The following PTPRO variants were observed in gnomAD, a reference collection of about 807,000 sequenced individuals.
PTPRO encodes protein tyrosine phosphatase receptor type O.
PTPRO carries 62 observed loss-of-function variants against 145.2 expected under a neutral mutation model. That is an observed-to-expected ratio of 0.43 (90% confidence interval 0.35 to 0.53). PTPRO has a LOEUF of 0.53. PTPRO is among the 20% of genes least tolerant of loss of function. The probability of loss-of-function intolerance (pLI) is 0.01; values close to 1 mark genes in which losing one functional copy is unlikely to be tolerated. For synonymous variants in PTPRO, 565 were observed against 514.7 expected, an observed-to-expected ratio of 1.10 and a Z score of -1.32; for missense variants, 1,345 against 1,482.7, an observed-to-expected ratio of 0.91 and a Z score of 1.53.
intron 10 of PTPRO, among the ~76,000 whole-genome samples, chr12:15,523,472 TTTTA>T (rs1208311754): frequency 1.3e-5 from 2 of 152,190 alleles, no homozygotes; most frequent in African/African-American, 4.8e-5. Context: ...AAATTTTTTA[TTTTA>T]TTTATTTACG....
In PTPRO at chr12:15,409,783, C is replaced by G. The variant is rs553762861; in HGVS notation, c.76-74191C>G. Reference sequence around the variant, plus strand: ...TTTAAATGACCAGATCTCACAAGAACTCACTCACTATCTCAAGGACAGTAC... The same window carrying G: ...TTTAAATGACCAGATCTCACAAGAAGTCACTCACTATCTCAAGGACAGTAC... On this transcript the variant is annotated intron_variant, in intron 1 of 26. Transcript: ENST00000281171. Among the ~76,000 whole-genome samples, 5 of 152,346 alleles carry G rather than the reference C, an allele frequency of 3.3e-5. No homozygotes were observed. In the South Asian group the frequency reaches 1.0e-3, roughly 32 times the overall value.
chr12:15,569,327 A>G (rs1943982380), intron 18 of PTPRO, 90 bp from the exon 19 acceptor site: 1 of 1,199,320 alleles, frequency 8.3e-7, no homozygotes, highest in Non-Finnish European at 1.2e-6. Context: ...ATTTTCTCCA[A>G]GAAGATTAAG....
At chr12:15,519,460 G>A (rs1000698174) in intron 9 of PTPRO, among the ~76,000 whole-genome samples, 1 of 152,174 alleles carries the variant, frequency 6.6e-6, no homozygotes, top group Non-Finnish European at 1.5e-5. Context: ...AGAGATAATT[G>A]TGTGAAGCTA....
chr12:15,366,481 C>G (rs1938365846), intron 1 of PTPRO, among the ~76,000 whole-genome samples: 2 of 152,080 alleles, frequency 1.3e-5, no homozygotes, highest in South Asian at 4.1e-4. Flanking sequence ...AAGCATAGTT[C>G]AAACTTGCAA....
At chr12:15,581,912 A>G in intron 23 of PTPRO, 111 bp downstream of exon 23, 1 of 1,396,286 alleles carries the variant, frequency 7.2e-7, no homozygotes, top group Non-Finnish European at 1.0e-6. Context: ...AGACACACAC[A>G]CAAAAATATC....
At chr12:15,331,300 C>T (rs1225389300) in intron 1 of PTPRO, among the ~76,000 whole-genome samples, 2 of 152,006 alleles carry the variant, frequency 1.3e-5, no homozygotes, top group African/African-American at 4.8e-5. Context: ...AATAGGTAGG[C>T]TATTGGACTC....
intron 12 of PTPRO, among the ~76,000 whole-genome samples, chr12:15,532,587 G>A (rs1022672771): frequency 6.6e-6 from 1 of 152,150 alleles, no homozygotes; most frequent in Admixed American, 6.5e-5. Context: ...GGGCACTAGT[G>A]CCCCAATTGA....
At chr12:15,544,507 A>G (rs1943242332) in intron 12 of PTPRO, among the ~76,000 whole-genome samples, 1 of 74,406 alleles carries the variant, frequency 1.3e-5, no homozygotes. Flanking sequence ...ACTCCATCTC[A>G]AAAAAAAAAA....
At chr12:15,538,296 C>T (rs1943107762) in intron 12 of PTPRO, among the ~76,000 whole-genome samples, 1 of 151,800 alleles carries the variant, frequency 6.6e-6, no homozygotes, top group African/African-American at 2.4e-5. Context: ...GCAGTCTCTG[C>T]TCACTGCAAC....
At chr12:15,335,416 A>T (rs894837585) in intron 1 of PTPRO, among the ~76,000 whole-genome samples, 1 of 152,122 alleles carries the variant, frequency 6.6e-6, no homozygotes, top group African/African-American at 2.4e-5. Flanking sequence ...CATTGGTGTA[A>T]TAGCCTTATT....
chr12:15,412,607 A>G (rs1939830709), intron 1 of PTPRO, among the ~76,000 whole-genome samples: 1 of 152,194 alleles, frequency 6.6e-6, no homozygotes, highest in African/African-American at 2.4e-5. Flanking sequence ...TCTGGATAAC[A>G]TTTTATTTTG....
At chr12:15,456,503 C>T (rs997777703) in intron 1 of PTPRO, among the ~76,000 whole-genome samples, 4 of 152,012 alleles carry the variant, frequency 2.6e-5, no homozygotes, top group African/African-American at 7.3e-5. Context: ...TAATATTTGG[C>T]CTAATAAGAT....
At chr12:15,343,368 G>A (rs749639099) in intron 1 of PTPRO, among the ~76,000 whole-genome samples, 3 of 151,898 alleles carry the variant, frequency 2.0e-5, no homozygotes, top group Non-Finnish European at 4.4e-5. Flanking sequence ...TCCTAAATAA[G>A]CAACCATTTA....
chr12:15,416,239 A>ATTCAT (rs1389048941), intron 1 of PTPRO, among the ~76,000 whole-genome samples: 4 of 151,532 alleles, frequency 2.6e-5, no homozygotes, highest in Admixed American at 2.0e-4. Flanking sequence ...CGAATGAATC[A>ATTCAT]TGAGTTTCAA....
At chr12:15,333,321 A>G (rs1240320456) in intron 1 of PTPRO, among the ~76,000 whole-genome samples, 1 of 152,176 alleles carries the variant, frequency 6.6e-6, no homozygotes, top group Non-Finnish European at 1.5e-5. Context: ...AGAATGTATC[A>G]TTCACTAAAT....
intron 22 of PTPRO, 23 bp downstream of exon 22, chr12:15,580,854 C>G (rs1944296031): frequency 6.2e-7 from 1 of 1,613,624 alleles, no homozygotes; most frequent in Non-Finnish European, 8.5e-7. Context: ...TGAAACTGCT[C>G]CCACTTAGCA....
intron 1 of PTPRO, among the ~76,000 whole-genome samples, chr12:15,418,288 T>C (rs1940038388): frequency 6.6e-6 from 1 of 151,786 alleles, no homozygotes; most frequent in Non-Finnish European, 1.5e-5. Flanking sequence ...AAATTAATTA[T>C]GGCTATAGAT....
chr12:15,524,665 T>C, intron 10 of PTPRO, 149 bp from the exon 11 acceptor site: 2 of 795,332 alleles, frequency 2.5e-6, no homozygotes, highest in South Asian at 3.0e-5. Flanking sequence ...TCCTTCACTG[T>C]TATTGAGAGG....
At chr12:15,572,773 T>G (rs1437130549) in intron 19 of PTPRO, among the ~76,000 whole-genome samples, 1 of 142,638 alleles carries the variant, frequency 7.0e-6, no homozygotes, top group Non-Finnish European at 1.6e-5. Context: ...AATGGGTGAG[T>G]TGAACTAGAT....
Sources: allele counts gnomAD v4.1 joint callset (sites outside exome capture counted in the v4.1 genomes callset), GRCh38; gene constraint gnomAD v4.1.1; transcripts MANE v1.5; gene names NCBI Gene and HGNC (gene_info 2026-07-23, HGNC 2026-07-21).